Variants in RBBP7 observed in about 807,000 individuals in gnomAD.
RBBP7 encodes the protein histone-binding protein RBBP7.
Under a neutral mutation model 35.2 loss-of-function variants are expected in RBBP7, and 5 were observed. The observed-to-expected ratio is 0.14, with a 90% confidence interval of 0.07 to 0.30. The LOEUF (loss-of-function observed/expected upper bound fraction) is 0.30, where lower values mean the gene tolerates loss of function less well. Ranked by LOEUF, RBBP7 falls within the 10% of genes least tolerant of loss-of-function variation. The probability of loss-of-function intolerance (pLI) is 1.00; values close to 1 mark genes in which losing one functional copy is unlikely to be tolerated. For missense variants in RBBP7, 155 were observed against 327.5 expected (o/e 0.47, Z 4.07); for synonymous variants, 140 against 118.7 (o/e 1.18, Z -1.17).
intron 3 of RBBP7, among the ~76,000 whole-genome samples, chrX:16,860,896 G>A (rs975780572): frequency 2.7e-5 from 3 of 111,402 alleles, no homozygotes; most frequent in Non-Finnish European, 3.8e-5. Context: ...TATTCAGGCC[G>A]GGAGTGGTGG....
intron 3 of RBBP7, among the ~76,000 whole-genome samples, chrX:16,861,906 T>C (rs1292317293): frequency 2.7e-5 from 3 of 111,671 alleles, no homozygotes; most frequent in African/African-American, 9.8e-5. Flanking sequence ...GTTGTACCAG[T>C]TTGTCAGGGT....
In RBBP7 at chrX:16,870,310, C is replaced by T. The variant is rs1184143857; in HGVS notation, c.-257G>A. 4.7e-5 allele frequency: 11 copies of T among 233,077 alleles called. No homozygotes were observed. In the East Asian group the frequency reaches 9.8e-4, roughly 21 times the overall value. The allele number at this position is 233,077 out of a possible 1,213,427, so 19.2% of individuals were successfully genotyped here. On this transcript the variant is annotated 5_prime_UTR_variant, in exon 1 of 12. Coordinates refer to ENST00000380087, the MANE Select transcript of RBBP7 (RefSeq NM_002893.4). ...TTGGAACGAGACTTTTCAACCCGCG[C>T]CTCCCAGCCCGCCCAGGCAGCTGAG...
intron 9 of RBBP7, 35 bp downstream of exon 9, chrX:16,852,011 T>G (rs1930222410): frequency 8.8e-7 from 1 of 1,134,643 alleles, no homozygotes; most frequent in Non-Finnish European, 1.2e-6. Flanking sequence ...GATAGGCACA[T>G]TTATGCAGTA....
At chrX:16,850,647 T>C (rs1014144146) in intron 9 of RBBP7, among the ~76,000 whole-genome samples, 1 of 112,791 alleles carries the variant, frequency 8.9e-6, no homozygotes. Flanking sequence ...CTATTTTAAG[T>C]TTTACATACA....
At chrX:16,867,433 A>G (rs995450130) in intron 2 of RBBP7, among the ~76,000 whole-genome samples, 9 of 112,137 alleles carry the variant, frequency 8.0e-5, no homozygotes, top group Non-Finnish European at 1.5e-4. Context: ...GCTCCAAACC[A>G]GAACTTGAAT....
At chrX:16,869,960 T>C in intron 1 of RBBP7, 78 bp downstream of exon 1, 2 of 750,329 alleles carry the variant, frequency 2.7e-6, no homozygotes. Flanking sequence ...TTCGCGCCTT[T>C]CGCCGGCGCG....
intron 2 of RBBP7, among the ~76,000 whole-genome samples, chrX:16,865,406 G>A (rs1325680684): frequency 8.9e-6 from 1 of 111,919 alleles, no homozygotes; most frequent in Non-Finnish European, 1.9e-5. Flanking sequence ...AAAATAACAG[G>A]TAGGTCAGTT....
chrX:16,863,067 T>C lies in RBBP7; in HGVS notation c.195A>G (p.Leu65=). ...PEGKDYALHW[L]VLGTHTSDEQ... ...CATCAGACGTATGAGTCCCCAGCAC[T>C]AGCCAATGAAGGGCATAATCTTTTC... Residue 65 remains leucine (L), a synonymous_variant, in exon 3 of 12, where the codon CTA becomes CTG. Coordinates refer to ENST00000380087, the MANE Select transcript of RBBP7 (RefSeq NM_002893.4). 8.3e-7 allele frequency: 1 copy of C among 1,210,577 alleles called. No individual in the cohort carries two copies. Among genetic ancestry groups the C allele is most frequent in the Non-Finnish European group, 1.1e-6 (1 of 894,502 alleles).
intron 2 of RBBP7, among the ~76,000 whole-genome samples, chrX:16,866,101 C>A (rs1444179691): frequency 8.9e-6 from 1 of 111,797 alleles, no homozygotes; most frequent in African/African-American, 3.3e-5. Flanking sequence ...ACTCTATGTC[C>A]TTTTATACTT....
chrX:16,869,380 T>C lies in RBBP7; in HGVS notation c.17-160A>G. The C allele has an allele frequency of 1.0e-5, 11 of 1,057,143 alleles. No homozygotes were observed. In the South Asian group the frequency reaches 2.3e-4, roughly 22 times the overall value. 87.1% of individuals were successfully genotyped at this position (1,057,143 alleles called of 1,213,427 possible). Reference sequence around the variant, plus strand: ...CTCTTCCAGAAGGTGGAGAAAATACTAACAATCAGGAAGCCTATTTTTTCC... The same window carrying C: ...CTCTTCCAGAAGGTGGAGAAAATACCAACAATCAGGAAGCCTATTTTTTCC... On this transcript the variant is annotated intron_variant, in intron 1 of 11. Coordinates refer to ENST00000380087, the MANE Select transcript of RBBP7 (RefSeq NM_002893.4).
chrX:16,862,242 C>T (rs768913039), intron 3 of RBBP7, among the ~76,000 whole-genome samples: 1 of 111,870 alleles, frequency 8.9e-6, no homozygotes, highest in Non-Finnish European at 1.9e-5. Context: ...CAAACTTTAG[C>T]CACAAGTATA....
chrX:16,845,372 G>A (rs150412787), intron 11 of RBBP7, among the ~76,000 whole-genome samples: 3 of 112,117 alleles, frequency 2.7e-5, no homozygotes, highest in African/African-American at 9.7e-5. Flanking sequence ...TTCAAGCATC[G>A]TTTAGAGGAA....
At chrX:16,865,063 CA>C (rs34381419) in intron 2 of RBBP7, among the ~76,000 whole-genome samples, 628 of 24,481 alleles carry the variant, frequency 0.026, 1 homozygote, top group African/African-American at 0.039. Context: ...GACCCTGTCT[CA>C]AAAAAAAAAA....
chrX:16,857,804 C>A (rs1930383492), intron 4 of RBBP7, 95 bp from the exon 5 acceptor site: 4 of 1,097,983 alleles, frequency 3.6e-6, no homozygotes, highest in Non-Finnish European at 4.8e-6. Context: ...ATTACAGCAA[C>A]TGCACACGAA....
At chrX:16,853,941 G>T in intron 5 of RBBP7, 99 bp from the exon 6 acceptor site, 1 of 751,375 alleles carries the variant, frequency 1.3e-6, no homozygotes, top group Non-Finnish European at 1.8e-6. Context: ...CACCCAGGCT[G>T]GTGCGATCTC....
At chrX:16,869,309 T>C in intron 1 of RBBP7, 89 bp from the exon 2 acceptor site, 7 of 1,093,149 alleles carry the variant, frequency 6.4e-6, no homozygotes, top group South Asian at 2.1e-5. Flanking sequence ...CCACACCTCA[T>C]GTACTCTTTC....
intron 6 of RBBP7, 157 bp downstream of exon 6, chrX:16,853,525 A>G (rs1930263909): frequency 2.4e-6 from 1 of 424,873 alleles, no homozygotes; most frequent in East Asian, 4.6e-5. Flanking sequence ...CTCCTGCCTC[A>G]GCTTCCCAAG....
chrX:16,846,529 A>G (rs983657268), intron 10 of RBBP7: 7 of 112,198 alleles, frequency 6.2e-5, no homozygotes, highest in Non-Finnish European at 1.1e-4. Flanking sequence ...CTCCAAAAGC[A>G]TAGCTCCAGA....
chrX:16,853,144 G>A, intron 6 of RBBP7: 1 of 330,629 alleles, frequency 3.0e-6, no homozygotes, highest in East Asian at 5.0e-5. Context: ...TACAGACTAT[G>A]TAGAGAATAA....
Sources: gnomAD v4.1 joint callset for allele counts (sites outside exome capture counted in the v4.1 genomes callset) on GRCh38, gnomAD v4.1.1 for gene constraint, MANE v1.5 for transcripts, NCBI Gene and HGNC (gene_info 2026-07-23, HGNC 2026-07-21) for gene names.